Variants in COMMD1 observed in about 807,000 individuals in gnomAD.
COMMD1 encodes the protein COMM domain-containing protein 1.
COMMD1 carries 10 observed loss-of-function variants against 17.2 expected under a neutral mutation model. That is an observed-to-expected ratio of 0.58 (90% confidence interval 0.36 to 0.99). The LOEUF (loss-of-function observed/expected upper bound fraction) is 0.99. Ranked by LOEUF, COMMD1 falls within the 50% of genes least tolerant of loss-of-function variation. The pLI is 0.01. For missense variants in COMMD1, 270 were observed against 231.8 expected (o/e 1.17, Z -1.07); for synonymous variants, 97 against 91.6 (o/e 1.06, Z -0.34).
At chr2:62,121,853 A>G (rs1374585403) in intron 2 of COMMD1, among the ~76,000 whole-genome samples, 1 of 152,128 alleles carries the variant, frequency 6.6e-6, no homozygotes, top group Non-Finnish European at 1.5e-5. Context: ...GTGCAGTGGC[A>G]CAATCACAGC....
intron 2 of COMMD1, among the ~76,000 whole-genome samples, chr2:62,047,338 A>C (rs949991863): frequency 3.9e-5 from 6 of 152,210 alleles, no homozygotes; most frequent in African/African-American, 1.4e-4. Flanking sequence ...GAATATTTAT[A>C]AATTCTACAG....
intron 2 of COMMD1, among the ~76,000 whole-genome samples, chr2:62,011,126 G>T (rs958824775): frequency 6.6e-6 from 1 of 151,652 alleles, no homozygotes; most frequent in African/African-American, 2.4e-5. Context: ...AAAGTCTTTT[G>T]TTTTTTTTAA....
rs551422397 is a variant in COMMD1, at chr2:61,970,023, A to C, written c.181-30678A>C. On this transcript the variant is annotated intron_variant, in intron 1 of 2. Transcript: ENST00000311832. ...TGTAATCCCAGCACTCTGGGAGGCC[A>C]AGGTAGGTGGATCACCTGAGGTCAG... Among the ~76,000 whole-genome samples, 4 of 152,196 alleles carry C rather than the reference A, an allele frequency of 2.6e-5. No individual in the cohort carries two copies. The South Asian group carries it at 8.3e-4, about 32-fold the overall frequency.
intron 1 of COMMD1, among the ~76,000 whole-genome samples, chr2:61,939,824 AG>A (rs1670696392): frequency 6.6e-6 from 1 of 152,220 alleles, no homozygotes; most frequent in African/African-American, 2.4e-5. Context: ...GCCATTCACA[AG>A]CCAAACAGGT....
intron 2 of COMMD1, among the ~76,000 whole-genome samples, chr2:62,062,917 A>C (rs1321198650): frequency 6.6e-6 from 1 of 151,902 alleles, no homozygotes; most frequent in Non-Finnish European, 1.5e-5. Flanking sequence ...CAAAAAAAAA[A>C]CTTTAAATAT....
At chr2:62,012,165 G>A (rs1005966554) in intron 2 of COMMD1, among the ~76,000 whole-genome samples, 4 of 151,764 alleles carry the variant, frequency 2.6e-5, no homozygotes, top group East Asian at 1.9e-4. Context: ...GCTGAGGAAC[G>A]AGAATCACTT....
intron 1 of COMMD1, among the ~76,000 whole-genome samples, chr2:61,953,456 C>T (rs752210523): frequency 1.3e-5 from 2 of 151,352 alleles, no homozygotes; most frequent in Non-Finnish European, 2.9e-5. Context: ...GCAACCTCCA[C>T]CTCCTGGGTT....
chr2:61,956,440 C>T (rs189762908), intron 1 of COMMD1, among the ~76,000 whole-genome samples: 10 of 151,330 alleles, frequency 6.6e-5, no homozygotes, highest in African/African-American at 1.5e-4. Flanking sequence ...GATGGAGTCT[C>T]GCTCTGTTGC....
At chr2:61,993,706 A>G (rs909023436) in intron 1 of COMMD1, among the ~76,000 whole-genome samples, 1 of 152,168 alleles carries the variant, frequency 6.6e-6, no homozygotes, top group Non-Finnish European at 1.5e-5. Flanking sequence ...ATGACTTTGA[A>G]CCTAAACCAA....
intron 1 of COMMD1, among the ~76,000 whole-genome samples, chr2:61,962,199 G>A (rs939742193): frequency 6.6e-6 from 1 of 152,042 alleles, no homozygotes; most frequent in Admixed American, 6.6e-5. Flanking sequence ...TTTCCTGGTC[G>A]GATTGCTCCT....
At chr2:62,004,393 C>T (rs905681546) in intron 2 of COMMD1, among the ~76,000 whole-genome samples, 12 of 152,226 alleles carry the variant, frequency 7.9e-5, no homozygotes, top group South Asian at 2.1e-4. Context: ...CTCCACCCTC[C>T]GAGTTCAAGT....
At chr2:62,101,413 A>C (rs762279284) in intron 2 of COMMD1, among the ~76,000 whole-genome samples, 1 of 152,208 alleles carries the variant, frequency 6.6e-6, no homozygotes, top group African/African-American at 2.4e-5. Flanking sequence ...AGTCAAGACC[A>C]GCCTGGGCAA....
At chr2:61,970,654 A>G (rs1671624171) in intron 1 of COMMD1, among the ~76,000 whole-genome samples, 2 of 152,222 alleles carry the variant, frequency 1.3e-5, no homozygotes, top group South Asian at 4.1e-4. Flanking sequence ...GAATTCACAG[A>G]TGCAGAGGGC....
chr2:61,969,120 G>T, intron 1 of COMMD1: 2 of 338,164 alleles, frequency 5.9e-6, no homozygotes, highest in East Asian at 8.3e-5. Context: ...CACCACATCT[G>T]GCTTTTATAT....
chr2:61,972,765 C>G (rs13431931), intron 1 of COMMD1, among the ~76,000 whole-genome samples: 21,132 of 152,164 alleles, frequency 0.14, 2,360 homozygotes, highest in African/African-American at 0.31. Context: ...GCTTATCAAT[C>G]TCATGCATAA....
chr2:62,074,211 A>G (rs1671276442), intron 2 of COMMD1, among the ~76,000 whole-genome samples: 1 of 152,150 alleles, frequency 6.6e-6, no homozygotes, highest in African/African-American at 2.4e-5. Flanking sequence ...ATGTCCAAAG[A>G]TTTTTATTGA....
At chr2:62,096,535 T>C (rs1003582324) in intron 2 of COMMD1, among the ~76,000 whole-genome samples, 2 of 152,220 alleles carry the variant, frequency 1.3e-5, no homozygotes, top group Non-Finnish European at 2.9e-5. Context: ...TTCCCCCCTC[T>C]TCCCAGTGGA....
chr2:62,068,994 A>G (rs1452376079), intron 2 of COMMD1, among the ~76,000 whole-genome samples: 1 of 152,022 alleles, frequency 6.6e-6, no homozygotes, highest in South Asian at 2.1e-4. Flanking sequence ...TTTTTGGAGA[A>G]TGAGAATACC....
At chr2:62,033,040 GATTAC>G (rs757693674) in intron 2 of COMMD1, among the ~76,000 whole-genome samples, 1 of 152,184 alleles carries the variant, frequency 6.6e-6, no homozygotes, top group Non-Finnish European at 1.5e-5. Context: ...AAAGTGCTGG[GATTAC>G]AGGCGTGAGC....
Sources: gnomAD v4.1 joint callset for allele counts (sites outside exome capture counted in the v4.1 genomes callset) on GRCh38, gnomAD v4.1.1 for gene constraint, MANE v1.5 for transcripts, NCBI Gene and HGNC (gene_info 2026-07-23, HGNC 2026-07-21) for gene names.